Variants in SYTL3 observed in about 807,000 individuals in gnomAD.
SYTL3 encodes the protein synaptotagmin-like protein 3.
SYTL3 carries 88 observed loss-of-function variants against 82.1 expected under a neutral mutation model. That is an observed-to-expected ratio of 1.07 (90% CI 0.90 to 1.28). The LOEUF is 1.28. SYTL3 is among the 50% of genes most tolerant of loss of function. The pLI is 0.00. For synonymous variants in SYTL3, 311 were observed against 289.4 expected, an observed-to-expected ratio of 1.07 and a Z score of -0.76; for missense variants, 831 against 757.6, an observed-to-expected ratio of 1.10 and a Z score of -1.14.
At chr6:158,670,464 C>CT (rs1339081697) in intron 5 of SYTL3, among the ~76,000 whole-genome samples, 2 of 152,126 alleles carry the variant, frequency 1.3e-5, no homozygotes, top group Non-Finnish European at 2.9e-5. Context: ...AACCTTATTT[C>CT]TTTTTTTCCC....
chr6:158,751,288 G>A (rs1788352854), intron 12 of SYTL3, among the ~76,000 whole-genome samples: 1 of 152,070 alleles, frequency 6.6e-6, no homozygotes, highest in South Asian at 2.1e-4. Context: ...CCATCACTGG[G>A]GCTGCCAGAG....
chr6:158,758,503 C>T (rs1789460439), intron 14 of SYTL3, among the ~76,000 whole-genome samples: 1 of 152,156 alleles, frequency 6.6e-6, no homozygotes, highest in Non-Finnish European at 1.5e-5. Flanking sequence ...GCAGGCCCAG[C>T]CTTCTGCTCC....
At chr6:158,718,241 T>C in intron 10 of SYTL3, 30 bp downstream of exon 10, 1 of 1,464,246 alleles carries the variant, frequency 6.8e-7, no homozygotes, top group African/African-American at 1.4e-5. Context: ...GCCTCCACGC[T>C]GATCACCTTC....
chr6:158,663,479 AC>A, intron 4 of SYTL3, 101 bp downstream of exon 4: 1 of 1,514,242 alleles, frequency 6.6e-7, no homozygotes, highest in South Asian at 1.3e-5. Context: ...ATCACTACCC[AC>A]CTGCTGCTGG....
At chr6:158,700,017 A>AG (rs1258511335) in intron 6 of SYTL3, among the ~76,000 whole-genome samples, 5 of 151,896 alleles carry the variant, frequency 3.3e-5, no homozygotes, top group Non-Finnish European at 5.9e-5. Context: ...GCACTTTGGG[A>AG]GGCCGAGGTG....
chr6:158,735,406 A>G (rs1786016381), intron 11 of SYTL3, among the ~76,000 whole-genome samples: 1 of 152,158 alleles, frequency 6.6e-6, no homozygotes, highest in South Asian at 2.1e-4. Flanking sequence ...AGGGCTGTCT[A>G]TTCTCACCCA....
chr6:158,745,402 T>C, intron 11 of SYTL3, 78 bp from the exon 12 acceptor site: 1 of 1,250,734 alleles, frequency 8.0e-7, no homozygotes, highest in Non-Finnish European at 1.1e-6. Flanking sequence ...TTTTTATTTA[T>C]GTGCTGTCTT....
rs374111888 is a variant in SYTL3 at position 158,682,049 on chromosome 6, C to T, written c.330-876C>T. 1.2e-4 allele frequency among the ~76,000 whole-genome samples: 19 copies of T among 152,222 alleles called. 1 individual carries two copies. In the East Asian group the frequency reaches 3.1e-3, roughly 25 times the overall value. ...TCTCCCAGGTTCAAGCGAAAATTCT[C>T]CTGCCTCAGCCTCCCGAGTAGCTGG... is the stretch of plus-strand genomic sequence containing the variant. On this transcript the variant is annotated intron_variant, in intron 5 of 17. Transcript: ENST00000611299.
intron 13 of SYTL3, among the ~76,000 whole-genome samples, chr6:158,752,875 C>T (rs1267207555): frequency 6.6e-6 from 1 of 152,128 alleles, no homozygotes; most frequent in Non-Finnish European, 1.5e-5. Context: ...AATAATAGCC[C>T]TTGTTTCCTG....
At chr6:158,764,261 C>T (rs74966713) in intron 17 of SYTL3, among the ~76,000 whole-genome samples, 4,976 of 152,314 alleles carry the variant, frequency 0.033, 97 homozygotes, top group Middle Eastern at 0.054. Context: ...TTTCAAACTA[C>T]AGAACTCCAG....
At chr6:158,715,605 A>ACACACACG (rs1783286642) in intron 9 of SYTL3, among the ~76,000 whole-genome samples, 1 of 142,020 alleles carries the variant, frequency 7.0e-6, no homozygotes, top group South Asian at 2.5e-4. Context: ...CGCATCACAC[A>ACACACACG]CACACACACA....
intron 6 of SYTL3, among the ~76,000 whole-genome samples, chr6:158,700,900 G>A (rs1179271133): frequency 1.3e-5 from 2 of 152,224 alleles, no homozygotes; most frequent in African/African-American, 4.8e-5. Context: ...ACAGGCATGA[G>A]CCACCGCACC....
chr6:158,706,513 G>T (rs1188806395), intron 6 of SYTL3, among the ~76,000 whole-genome samples: 3 of 152,148 alleles, frequency 2.0e-5, no homozygotes, highest in Non-Finnish European at 2.9e-5. Flanking sequence ...CGGTGTTCTG[G>T]TCTGTGTATT....
chr6:158,709,772 A>C (rs1180765923), intron 8 of SYTL3, among the ~76,000 whole-genome samples: 1 of 152,224 alleles, frequency 6.6e-6, no homozygotes, highest in Non-Finnish European at 1.5e-5. Flanking sequence ...GAAAATCTAA[A>C]AATGATTTTG....
intron 2 of SYTL3, among the ~76,000 whole-genome samples, chr6:158,652,500 C>T (rs553237569): frequency 2.6e-5 from 4 of 151,966 alleles, no homozygotes; most frequent in African/African-American, 9.7e-5. Context: ...CCACCTGCCT[C>T]GTCCTCCCAA....
Position 158,663,658 on chromosome 6 carries a change from TTGCCGACTTCG to T in SYTL3, c.110+283_110+293del, listed in dbSNP as rs577680480. On this transcript the variant is annotated intron_variant, in intron 4 of 17. Transcript: ENST00000611299. ...TGCTGTCTGCCATCTGCTTGTCTGT[TTGCCGACTTCG>T]TGGGAATCATTCAAGGGACATTTTC... is the stretch of plus-strand genomic sequence containing the variant. The T allele has an allele frequency of 6.2e-5, 60 of 963,984 alleles. No individual in the cohort carries two copies. In the African/African-American group the frequency reaches 1.1e-3, roughly 17 times the overall value. The allele number at this position is 963,984 out of a possible 1,614,324, so 59.7% of individuals were successfully genotyped here.
At chr6:158,692,149 T>C (rs1431570858) in intron 6 of SYTL3, among the ~76,000 whole-genome samples, 1 of 145,752 alleles carries the variant, frequency 6.9e-6, no homozygotes, top group Non-Finnish European at 1.5e-5. Context: ...TCCCAGCTAC[T>C]TGGGAGGCTG....
At position 158,763,511 on chromosome 6, in the gene SYTL3, TA is replaced by T. The variant is rs747894139; in HGVS notation, c.1723+4del. The T allele has an allele frequency of 3.1e-6, 5 of 1,612,812 alleles. No homozygotes were observed. In the Admixed American group the frequency reaches 6.7e-5, roughly 21 times the overall value. On this transcript the variant is annotated splice_donor_region_variant and intron_variant, in intron 17 of 17. Transcript: ENST00000611299. Reference sequence around the variant, plus strand: ...TTGGAGGAACCAGACTTGGTTCAAGTAAGTCTGAGACATTGAGCCCAAACGT... The same window carrying T: ...TTGGAGGAACCAGACTTGGTTCAAGTAGTCTGAGACATTGAGCCCAAACGT...
Position 158,662,968 on chromosome 6 carries a change from C to T in SYTL3, c.-301C>T. ...CCTCAGAAAAGAGATATGCTTTTGTCTTAGATGGATGTCAGCAGCTGCTGC... is the reference window on the plus strand; with the variant it reads ...CCTCAGAAAAGAGATATGCTTTTGTTTTAGATGGATGTCAGCAGCTGCTGC... On this transcript the variant is annotated 5_prime_UTR_variant, in exon 4 of 18. Coordinates refer to ENST00000611299, the MANE Select transcript of SYTL3 (RefSeq NM_001242394.2). The T allele has an allele frequency of 3.8e-6, 1 of 264,266 alleles. No individual in the cohort carries two copies. Among genetic ancestry groups the T allele is most frequent in the Non-Finnish European group, 7.2e-6 (1 of 138,838 alleles). The allele number at this position is 264,266 out of a possible 1,614,324, so 16.4% of individuals were successfully genotyped here.
Sources: allele counts gnomAD v4.1 joint callset (sites outside exome capture counted in the v4.1 genomes callset), GRCh38; gene constraint gnomAD v4.1.1; transcripts MANE v1.5; gene names NCBI Gene and HGNC (gene_info 2026-07-23, HGNC 2026-07-21).